Variants in MAF observed in about 807,000 individuals in gnomAD.
MAF encodes the protein transcription factor Maf.
Under a neutral mutation model 22.0 loss-of-function variants are expected in MAF, and 10 were observed. That is an observed-to-expected ratio of 0.45 (90% confidence interval 0.28 to 0.77). The LOEUF is 0.77. MAF is among the 30% of genes least tolerant of loss of function. The pLI, the probability that MAF is intolerant of heterozygous loss-of-function variation, is 0.12. For synonymous variants in MAF, 337 were observed against 255.8 expected (o/e 1.32, Z -3.03); for missense variants, 544 against 548.4 (o/e 0.99, Z 0.08).
the MAF span, among the ~76,000 whole-genome samples, chr16:79,234,225 T>C: frequency 6.6e-6 from 1 of 152,046 alleles, no homozygotes; most frequent in Non-Finnish European, 1.5e-5. Flanking sequence ...GACACTTACT[T>C]GTAAGCCACC....
chr16:79,328,368 A>T, the MAF span, among the ~76,000 whole-genome samples: 28 of 152,088 alleles, frequency 1.8e-4, no homozygotes, highest in Non-Finnish European at 3.2e-4. Flanking sequence ...GGGCAACTCC[A>T]ATTTTGGGGG....
At chr16:79,500,214 C>T in the MAF span, among the ~76,000 whole-genome samples, 10 of 152,126 alleles carry the variant, frequency 6.6e-5, no homozygotes, top group Non-Finnish European at 1.3e-4. Context: ...GTTACAACAG[C>T]CACCAGAAAT....
chr16:79,547,256 C>T, the MAF span, among the ~76,000 whole-genome samples: 2 of 151,766 alleles, frequency 1.3e-5, no homozygotes, highest in Non-Finnish European at 2.9e-5. Flanking sequence ...TACATATACC[C>T]ATACACACTA....
chr16:79,502,693 AT>A, the MAF span, among the ~76,000 whole-genome samples: 76 of 18,492 alleles, frequency 4.1e-3, 2 homozygotes, highest in African/African-American at 0.013. Context: ...AAATATAAAT[AT>A]AAATATAAAT....
the MAF span, among the ~76,000 whole-genome samples, chr16:79,266,102 G>A: frequency 1.3e-5 from 2 of 150,880 alleles, no homozygotes; most frequent in Non-Finnish European, 2.9e-5. Context: ...TCGAACTCCT[G>A]AGCTCAAGTG....
the MAF span, among the ~76,000 whole-genome samples, chr16:79,298,147 C>A: frequency 1.3e-5 from 2 of 152,312 alleles, no homozygotes; most frequent in African/African-American, 2.4e-5. Flanking sequence ...CCAGCTCAGG[C>A]GGAGCTTGAG....
the MAF span, chr16:79,203,549 T>C: frequency 6.6e-6 from 1 of 151,680 alleles, no homozygotes; most frequent in Non-Finnish European, 1.5e-5. Flanking sequence ...ATAGAATACT[T>C]ATGGGGCATA....
At chr16:79,544,537 G>C in the MAF span, among the ~76,000 whole-genome samples, 1 of 152,100 alleles carries the variant, frequency 6.6e-6, no homozygotes. Context: ...CACTTTGAGA[G>C]ACCGAGTTGG....
At chr16:79,399,377 G>A in the MAF span, among the ~76,000 whole-genome samples, 1 of 152,186 alleles carries the variant, frequency 6.6e-6, no homozygotes, top group Admixed American at 6.5e-5. Flanking sequence ...AGGGAGCACT[G>A]CTCACCCTTT....
At chr16:79,296,281 G>A in the MAF span, among the ~76,000 whole-genome samples, 1 of 152,170 alleles carries the variant, frequency 6.6e-6, no homozygotes, top group African/African-American at 2.4e-5. Flanking sequence ...TATACAGGTT[G>A]GAAGGATTAA....
the MAF span, among the ~76,000 whole-genome samples, chr16:79,565,499 C>A: frequency 7.1e-6 from 1 of 140,622 alleles, no homozygotes; most frequent in African/African-American, 2.5e-5. Flanking sequence ...ACAATCTTCA[C>A]GTGTTGTGGG....
chr16:79,277,971 G>A, the MAF span, among the ~76,000 whole-genome samples: 3 of 152,168 alleles, frequency 2.0e-5, no homozygotes, highest in Non-Finnish European at 4.4e-5. Context: ...CCTAGGATCT[G>A]CCCAGCGCTA....
chr16:79,298,768 C>T, the MAF span, among the ~76,000 whole-genome samples: 8 of 152,342 alleles, frequency 5.3e-5, no homozygotes, highest in South Asian at 4.1e-4. Flanking sequence ...GCGGACGTGA[C>T]GGAAGCTGGT....
the MAF span, among the ~76,000 whole-genome samples, chr16:79,424,133 A>T: frequency 6.6e-6 from 1 of 152,244 alleles, no homozygotes; most frequent in African/African-American, 2.4e-5. Flanking sequence ...TCATCAAGGC[A>T]GGGCTTATGC....
the MAF span, among the ~76,000 whole-genome samples, chr16:79,565,095 C>T: frequency 6.6e-5 from 10 of 152,206 alleles, no homozygotes; most frequent in South Asian, 6.2e-4. Context: ...GGACTTCTTA[C>T]GGGAGATAAC....
chr16:79,354,487 G>A, the MAF span, among the ~76,000 whole-genome samples: 5 of 152,292 alleles, frequency 3.3e-5, 1 homozygote, highest in African/African-American at 1.2e-4. Flanking sequence ...GCAAATCAGG[G>A]GGACTTCCCA....
At chr16:79,588,871 T>A (rs1224964660), downstream of MAF, among the ~76,000 whole-genome samples, 1 of 152,146 alleles carries the variant, frequency 6.6e-6, no homozygotes, top group African/African-American at 2.4e-5. Flanking sequence ...AAAAAATATA[T>A]TGGAGTGAAT....
the MAF span, among the ~76,000 whole-genome samples, chr16:79,573,563 G>A: frequency 1.2e-4 from 19 of 152,138 alleles, no homozygotes; most frequent in Non-Finnish European, 2.5e-4. Context: ...AATCTTGAAA[G>A]CAAGAATGCG....
the MAF span, among the ~76,000 whole-genome samples, chr16:79,543,274 G>C: frequency 6.6e-6 from 1 of 152,248 alleles, no homozygotes; most frequent in African/African-American, 2.4e-5. Flanking sequence ...ACAGGCAAGA[G>C]TGTAGCTAGA....
Sources: gnomAD v4.1 joint callset for allele counts (sites outside exome capture counted in the v4.1 genomes callset) on GRCh38, gnomAD v4.1.1 for gene constraint, MANE v1.5 for transcripts, NCBI Gene and HGNC (gene_info 2026-07-23, HGNC 2026-07-21) for gene names.